ADAM10: variants seen among roughly 807,000 people sequenced by gnomAD.
ADAM10 encodes disintegrin and metalloproteinase domain-containing protein 10.
ADAM10 carries 17 observed loss-of-function variants against 90.1 expected under a neutral mutation model. The ratio of observed to expected loss-of-function variants is 0.19; its 90% confidence interval spans 0.13 to 0.28. ADAM10 has a LOEUF of 0.28. ADAM10 is among the 10% of genes least tolerant of loss of function. The pLI is 1.00. For synonymous variants in ADAM10, 310 were observed against 298.6 expected (o/e 1.04, Z -0.40); for missense variants, 610 against 914.3 (o/e 0.67, Z 4.29).
chr15:58,728,940 C>T (rs1899130683), intron 1 of ADAM10, among the ~76,000 whole-genome samples: 1 of 152,150 alleles, frequency 6.6e-6, no homozygotes, highest in Non-Finnish European at 1.5e-5. Flanking sequence ...GACCACAGGT[C>T]TTAAAAGAAC....
At chr15:58,654,035 C>T (rs1364619054) in intron 5 of ADAM10, among the ~76,000 whole-genome samples, 4 of 152,010 alleles carry the variant, frequency 2.6e-5, no homozygotes, top group Non-Finnish European at 5.9e-5. Context: ...CTTTGAATTT[C>T]ATCTATACCA....
chr15:58,696,466 C>CT (rs1270864897), intron 2 of ADAM10, among the ~76,000 whole-genome samples: 9,853 of 143,698 alleles, frequency 0.069, 1,094 homozygotes, highest in African/African-American at 0.24. Context: ...TTCTTTCTTT[C>CT]TTTTTTTTTT....
At chr15:58,638,228 A>G (rs1896320466) in intron 8 of ADAM10, among the ~76,000 whole-genome samples, 1 of 152,042 alleles carries the variant, frequency 6.6e-6, no homozygotes, top group South Asian at 2.1e-4. Context: ...AATAATATAA[A>G]AGGAAAAAAA....
chr15:58,650,526 C>T (rs1379951213), intron 5 of ADAM10, among the ~76,000 whole-genome samples: 3 of 152,130 alleles, frequency 2.0e-5, no homozygotes, highest in Non-Finnish European at 4.4e-5. Context: ...AGATCCTAAA[C>T]AATATTTTCA....
At chr15:58,613,058 A>G (rs1360229241) in intron 11 of ADAM10, among the ~76,000 whole-genome samples, 1 of 152,192 alleles carries the variant, frequency 6.6e-6, no homozygotes, top group African/African-American at 2.4e-5. Context: ...AAGTCTCACC[A>G]TTATGGGAAA....
intron 10 of ADAM10, 113 bp downstream of exon 10, chr15:58,627,587 T>A (rs1895984085): frequency 3.5e-6 from 3 of 866,524 alleles, no homozygotes; most frequent in African/African-American, 3.4e-5. Flanking sequence ...CAGCAAAGTG[T>A]TAGCAATAGT....
chr15:58,707,318 A>C (rs1398228111), intron 2 of ADAM10: 3 of 151,904 alleles, frequency 2.0e-5, no homozygotes, highest in Admixed American at 6.6e-5. Flanking sequence ...TGGGAGGTGG[A>C]GGCTGCAGTG....
chr15:58,617,613 C>A (rs1405276371), intron 11 of ADAM10, among the ~76,000 whole-genome samples: 5 of 152,048 alleles, frequency 3.3e-5, no homozygotes, highest in African/African-American at 1.2e-4. Context: ...AAGGAGGAAG[C>A]CAAACTGTTC....
chr15:58,603,531 T>G (rs1402439659), intron 14 of ADAM10, among the ~76,000 whole-genome samples: 1 of 152,232 alleles, frequency 6.6e-6, no homozygotes, highest in Non-Finnish European at 1.5e-5. Flanking sequence ...GACACACTTC[T>G]CTTCCTAAAG....
chr15:58,737,325 C>A (rs1899463004), intron 1 of ADAM10, among the ~76,000 whole-genome samples: 1 of 152,082 alleles, frequency 6.6e-6, no homozygotes. Context: ...CTGCTTTTCT[C>A]CCCTCAAATG....
intron 6 of ADAM10, among the ~76,000 whole-genome samples, chr15:58,645,182 G>A (rs529598281): frequency 7.9e-5 from 12 of 152,312 alleles, no homozygotes; most frequent in Non-Finnish European, 1.0e-4. Flanking sequence ...GGTAGCCCAC[G>A]CTGCCAAACA....
chr15:58,604,293 G>A (rs750494044), intron 14 of ADAM10, among the ~76,000 whole-genome samples: 37 of 152,106 alleles, frequency 2.4e-4, no homozygotes, highest in Non-Finnish European at 4.6e-4. Context: ...CCTGGGAGAC[G>A]GTGGTTGCAG....
chr15:58,717,662 A>T lies in ADAM10; in HGVS notation c.121T>A (p.Ser41Thr), dbSNP rs1898707477. 1.2e-6 allele frequency: 2 copies of T among 1,613,902 alleles called. No homozygotes were observed. Among genetic ancestry groups the T allele is most frequent in the Admixed American group, 3.3e-5 (2 of 60,010 alleles). ...GCACGCTGGTGTTTTTGGTGTAATGAATCCACATTGTAAGATAATCCTTCA... is the reference window on the plus strand; with the variant it reads ...GCACGCTGGTGTTTTTGGTGTAATGTATCCACATTGTAAGATAATCCTTCA... Reference protein sequence around the residue: ...HYEGLSYNVDSLHQKHQRAKR... With the variant: ...HYEGLSYNVDTLHQKHQRAKR... The change falls in exon 2 of 16, where the codon TCA (serine) becomes ACA (threonine). Residue 41 changes from serine (S) to threonine (T), a missense_variant. Physicochemically the swap from Ser to Thr is moderately conservative, Grantham distance 58. Transcript: ENST00000260408.
intron 1 of ADAM10, among the ~76,000 whole-genome samples, chr15:58,726,007 A>G (rs1348106882): frequency 6.6e-6 from 1 of 152,226 alleles, no homozygotes; most frequent in Non-Finnish European, 1.5e-5. Context: ...TAATGAATAT[A>G]TAAGAAAATA....
chr15:58,655,711 G>GTGTA (rs1212041296), intron 5 of ADAM10, among the ~76,000 whole-genome samples: 27 of 53,702 alleles, frequency 5.0e-4, no homozygotes, highest in African/African-American at 1.5e-3. Context: ...TATATATATA[G>GTGTA]TATATATATA....
At chr15:58,739,350 C>CA (rs1244592805) in intron 1 of ADAM10, among the ~76,000 whole-genome samples, 1,198 of 100,554 alleles carry the variant, frequency 0.012, 11 homozygotes, top group African/African-American at 0.03. Context: ...ACCAAAAATA[C>CA]AAAAAAAAAA....
At chr15:58,689,683 T>C (rs900956846) in intron 2 of ADAM10, among the ~76,000 whole-genome samples, 1 of 152,036 alleles carries the variant, frequency 6.6e-6, no homozygotes, top group Non-Finnish European at 1.5e-5. Flanking sequence ...ATTATGAGCA[T>C]AATGAAAATA....
chr15:58,615,638 A>G (rs1181654992), intron 11 of ADAM10, among the ~76,000 whole-genome samples: 6 of 152,290 alleles, frequency 3.9e-5, no homozygotes, highest in South Asian at 2.1e-4. Flanking sequence ...ACAGAAGAAG[A>G]TATTTCACTC....
intron 2 of ADAM10, among the ~76,000 whole-genome samples, chr15:58,696,410 A>T (rs1283518875): frequency 1.3e-5 from 2 of 152,022 alleles, no homozygotes; most frequent in Non-Finnish European, 2.9e-5. Flanking sequence ...AGAAGTTAAG[A>T]ACACTTGAAG....
Sources: gnomAD v4.1 joint callset for allele counts (sites outside exome capture counted in the v4.1 genomes callset) on GRCh38, gnomAD v4.1.1 for gene constraint, MANE v1.5 for transcripts, NCBI Gene and HGNC (gene_info 2026-07-23, HGNC 2026-07-21) for gene names.